Variants in HTT observed in about 807,000 individuals in gnomAD.
The protein encoded by HTT is huntington disease protein.
Under a neutral mutation model 362.3 loss-of-function variants are expected in HTT, and 104 were observed. The ratio of observed to expected loss-of-function variants is 0.29; its 90% confidence interval spans 0.24 to 0.34. The LOEUF is 0.34. Ranked by LOEUF, HTT falls within the 10% of genes least tolerant of loss-of-function variation. The probability of loss-of-function intolerance (pLI) is 1.00; values close to 1 mark genes in which losing one functional copy is unlikely to be tolerated. For missense variants in HTT, 3,301 were observed against 3,928.6 expected (o/e 0.84, Z 4.27); for synonymous variants, 1,577 against 1,548.7 (o/e 1.02, Z -0.43).
intron 22 of HTT, 90 bp from the exon 23 acceptor site, chr4:3,142,676 A>T: frequency 1.5e-6 from 1 of 659,252 alleles, no homozygotes. Context: ...ACTTTTTTTA[A>T]TCTTTAATCT....
intron 14 of HTT, among the ~76,000 whole-genome samples, chr4:3,130,888 C>T (rs1715779707): frequency 6.6e-6 from 1 of 152,180 alleles, no homozygotes; most frequent in Non-Finnish European, 1.5e-5. Flanking sequence ...TCCCTATCTA[C>T]CAGGCCCACT....
intron 40 of HTT, 119 bp from the exon 41 acceptor site, chr4:3,199,613 G>A: frequency 2.6e-6 from 2 of 781,956 alleles, no homozygotes; most frequent in Non-Finnish European, 4.2e-6. Context: ...CAGGTGTTCT[G>A]AATACGTAAG....
At chr4:3,231,797 A>G (rs2110298211) in intron 60 of HTT, among the ~76,000 whole-genome samples, 1 of 152,282 alleles carries the variant, frequency 6.6e-6, no homozygotes, top group South Asian at 2.1e-4. Context: ...CTGCTGGGCT[A>G]ACTTGAATTG....
chr4:3,167,057 A>G (rs1171415617), intron 29 of HTT, among the ~76,000 whole-genome samples: 1 of 152,184 alleles, frequency 6.6e-6, no homozygotes, highest in Non-Finnish European at 1.5e-5. Flanking sequence ...AGCTGTTCCT[A>G]TTCGGCCATT....
At chr4:3,172,023 C>A (rs889293902) in intron 29 of HTT, among the ~76,000 whole-genome samples, 5 of 152,068 alleles carry the variant, frequency 3.3e-5, no homozygotes, top group Non-Finnish European at 5.9e-5. Context: ...GAATTCCTGC[C>A]CTGCGAACAG....
chr4:3,238,396 G>A (rs2110306692), intron 64 of HTT, 51 bp from the exon 65 acceptor site: 1 of 1,449,356 alleles, frequency 6.9e-7, no homozygotes, highest in African/African-American at 1.4e-5. Flanking sequence ...CGGGCAGGTG[G>A]GGCAGCTGTG....
Position 3,186,401 on chromosome 4 carries a change from T to G in HTT, c.4867-196T>G, listed in dbSNP as rs184622266. Among the ~76,000 whole-genome samples the G allele has an allele frequency of 3.3e-5, 5 of 152,324 alleles. No homozygotes were observed. The East Asian group carries it at 9.6e-4, about 29-fold the overall frequency. ...AATCTAAATGACAAGATTTCTGTTA[T>G]GGGAAAAATGTAGCTATACAGTGTT... On this transcript the variant is annotated intron_variant, in intron 37 of 66. Transcript: ENST00000355072.
chr4:3,111,910 G>A lies in HTT; in HGVS notation c.748-3394G>A, dbSNP rs180909362. 3.3e-4 allele frequency among the ~76,000 whole-genome samples: 50 copies of A among 152,222 alleles called. No homozygotes were observed. The South Asian group carries it at 9.1e-3, about 28-fold the overall frequency. The stretch of plus-strand genomic sequence containing the variant: ...CTCCAAAGCCCGAGCTCTTCTTGGC[G>A]TCTGTGGCTTCAATAAGCTTGCTTT... On this transcript the variant is annotated intron_variant, in intron 6 of 66. Transcript: ENST00000355072.
intron 60 of HTT, 29 bp downstream of exon 60, chr4:3,230,071 G>A (rs1721177057): frequency 6.2e-7 from 1 of 1,606,366 alleles, no homozygotes; most frequent in Non-Finnish European, 8.5e-7. Flanking sequence ...AGAGGTTTCT[G>A]TGCTGAAGCC....
chr4:3,074,745 C>T lies in HTT; in HGVS notation c.-81C>T. On this transcript the variant is annotated 5_prime_UTR_variant, in exon 1 of 67. Transcript: ENST00000355072. ...CTGCTTTTACCTGCGGCCCAGAGCC[C>T]CATTCATTGCCCCGGTGCTGAGCGG... The T allele has an allele frequency of 3.5e-6, 5 of 1,413,686 alleles. No homozygotes were observed. The highest frequency in any genetic ancestry group is 2.6e-5 in the South Asian group (2 of 78,392). 87.6% of individuals were successfully genotyped at this position (1,413,686 alleles called of 1,614,324 possible). A position where few individuals can be genotyped will look rare whatever the true frequency, so the allele number is the denominator to read the frequency against.
At chr4:3,144,086 A>C (rs1408542234) in intron 23 of HTT, among the ~76,000 whole-genome samples, 1 of 152,158 alleles carries the variant, frequency 6.6e-6, no homozygotes, top group Non-Finnish European at 1.5e-5. Flanking sequence ...CAGAATACAA[A>C]CCTGGTGGGG....
At position 3,240,154 on chromosome 4, in the gene HTT, C is replaced by G; in HGVS notation, c.*95C>G. On this transcript the variant is annotated 3_prime_UTR_variant, in exon 67 of 67. Coordinates refer to ENST00000355072, the MANE Select transcript of HTT (RefSeq NM_001388492.1). The stretch of plus-strand genomic sequence containing the variant: ...CCTGCCTCCACCGAGCCAGCTTGGT[C>G]CCTATGGGCTTCCGCACATGCCGCG... The G allele has an allele frequency of 9.5e-7, 1 of 1,052,348 alleles. No homozygotes were observed. The highest frequency in any genetic ancestry group is 1.5e-5 in the South Asian group (1 of 68,298). The allele number at this position is 1,052,348 out of a possible 1,614,324, so 65.2% of individuals were successfully genotyped here. A position where few individuals can be genotyped will look rare whatever the true frequency, so the allele number is the denominator to read the frequency against.
intron 41 of HTT, among the ~76,000 whole-genome samples, chr4:3,202,554 C>G (rs757312107): frequency 4.6e-5 from 7 of 152,166 alleles, no homozygotes; most frequent in Non-Finnish European, 8.8e-5. Flanking sequence ...TTTCTATCAA[C>G]TGTAGTCAGT....
At position 3,225,704 on chromosome 4, in the gene HTT, C is replaced by G. The variant is rs570565498; in HGVS notation, c.7809C>G (p.Pro2603=). The change falls in exon 57 of 67, where the codon CCC becomes CCG. Residue 2603 remains proline (P), a synonymous_variant. Coordinates refer to ENST00000355072, the MANE Select transcript of HTT (RefSeq NM_001388492.1). ...SHEKLLLQIN[P]ERELGSMSYK... ...AGAAGCTGCTGCTACAGATCAACCC[C>G]GAGCGGGAGCTGGGGAGCATGAGCT... is the stretch of plus-strand genomic sequence containing the variant. The G allele has an allele frequency of 1.2e-6, 2 of 1,613,978 alleles. No homozygotes were observed. Among genetic ancestry groups the G allele is most frequent in the East Asian group, 2.2e-5 (1 of 44,868 alleles).
At chr4:3,220,961 C>A (rs139865697) in intron 53 of HTT, among the ~76,000 whole-genome samples, 121 of 152,272 alleles carry the variant, frequency 7.9e-4, no homozygotes, top group African/African-American at 2.6e-3. Context: ...ACAAATGTTA[C>A]CCCTTATTTC....
rs1721874802 is a variant in HTT, at chr4:3,242,889, A to G, written c.*2830A>G. 1 of 152,108 alleles carries G rather than the reference A, an allele frequency of 6.6e-6. No individual in the cohort carries two copies. The highest frequency in any genetic ancestry group is 2.1e-4 in the South Asian group (1 of 4,824). 9.4% of individuals were successfully genotyped at this position (152,108 alleles called of 1,614,324 possible). A position where few individuals can be genotyped will look rare whatever the true frequency, so the allele number is the denominator to read the frequency against. On this transcript the variant is annotated 3_prime_UTR_variant, in exon 67 of 67. Coordinates refer to ENST00000355072, the MANE Select transcript of HTT (RefSeq NM_001388492.1). ...GCTGCGGGCCCAGCTGAGTCTATGT[A>G]GGTGATGTTTCCAGCTGCCAAGTGC...
At position 3,240,457 on chromosome 4, in the gene HTT, C is replaced by T. The variant is rs1429491264; in HGVS notation, c.*398C>T. 10 of 259,732 alleles carry T rather than the reference C, an allele frequency of 3.9e-5. No homozygotes were observed. Among genetic ancestry groups the T allele is most frequent in the Middle Eastern group, 1.4e-3 (1 of 702 alleles). 16.1% of individuals were successfully genotyped at this position (259,732 alleles called of 1,614,324 possible). A position where few individuals can be genotyped will look rare whatever the true frequency, so the allele number is the denominator to read the frequency against. On this transcript the variant is annotated 3_prime_UTR_variant, in exon 67 of 67. Transcript: ENST00000355072. ...TCTGCTGTCCTGCAGTAGAAGGTGC[C>T]GTGAGCAGGCTTTGGGAACACTGGC...
At chr4:3,235,978 G>T (rs548261379) in intron 63 of HTT, among the ~76,000 whole-genome samples, 171 bp from the exon 64 acceptor site, 1 of 152,202 alleles carries the variant, frequency 6.6e-6, no homozygotes, top group Non-Finnish European at 1.5e-5. Flanking sequence ...CCGTCCCTGT[G>T]GTCACTCATC....
chr4:3,111,686 G>C (rs1304883658), intron 6 of HTT, among the ~76,000 whole-genome samples: 4 of 152,216 alleles, frequency 2.6e-5, no homozygotes, highest in African/African-American at 4.8e-5. Flanking sequence ...TGCATCTCAC[G>C]TCTGTCCTCA....
Sources: gnomAD v4.1 joint callset for allele counts (sites outside exome capture counted in the v4.1 genomes callset) on GRCh38, gnomAD v4.1.1 for gene constraint, MANE v1.5 for transcripts, NCBI Gene and HGNC (gene_info 2026-07-23, HGNC 2026-07-21) for gene names.